Variants in MCTP1 observed in about 807,000 individuals in gnomAD.
The protein encoded by MCTP1 is multiple C2 and transmembrane domain containing 1, also known as multiple C2 and transmembrane domain-containing protein 1.
Under a neutral mutation model 120.6 loss-of-function variants are expected in MCTP1, and 69 were observed. The ratio of observed to expected loss-of-function variants is 0.57; its 90% CI spans 0.47 to 0.70. MCTP1 has a LOEUF of 0.70. Ranked by LOEUF, MCTP1 falls within the 30% of genes least tolerant of loss-of-function variation. MCTP1 has a pLI of 0.00. For missense variants in MCTP1, 1,203 were observed against 1,248.8 expected, an observed-to-expected ratio of 0.96 and a Z score of 0.55; for synonymous variants, 529 against 493.1, an observed-to-expected ratio of 1.07 and a Z score of -0.96.
intron 19 of MCTP1, among the ~76,000 whole-genome samples, chr5:94,743,657 A>C (rs1469965415): frequency 2.5e-5 from 2 of 81,430 alleles, no homozygotes; most frequent in Non-Finnish European, 4.6e-5. Flanking sequence ...TTTTTTTTTG[A>C]GATGGAGTCT....
At chr5:94,885,657 C>T (rs1801155681) in intron 12 of MCTP1, among the ~76,000 whole-genome samples, 1 of 127,734 alleles carries the variant, frequency 7.8e-6, no homozygotes, top group East Asian at 2.7e-4. Context: ...AAAACTTGAT[C>T]TAGCTGCAGA....
chr5:94,976,988 A>AAAAGGAAAT (rs1167290777), intron 2 of MCTP1, among the ~76,000 whole-genome samples: 4 of 152,132 alleles, frequency 2.6e-5, no homozygotes, highest in African/African-American at 9.7e-5. Flanking sequence ...ATTGGACAAG[A>AAAAGGAAAT]AAAGGAAATA....
intron 19 of MCTP1, among the ~76,000 whole-genome samples, chr5:94,767,227 A>G (rs1360417198): frequency 6.6e-6 from 1 of 152,210 alleles, no homozygotes; most frequent in Non-Finnish European, 1.5e-5. Flanking sequence ...TCTCTTTATT[A>G]TACAAACTCT....
At chr5:94,888,995 T>A in intron 11 of MCTP1, 23 bp from the exon 12 acceptor site, 1 of 1,526,312 alleles carries the variant, frequency 6.6e-7, no homozygotes, top group South Asian at 1.1e-5. Context: ...AACATCAGTA[T>A]TAGAAAAGGG....
At chr5:95,069,794 G>T (rs1222237756) in intron 1 of MCTP1, among the ~76,000 whole-genome samples, 1 of 151,828 alleles carries the variant, frequency 6.6e-6, no homozygotes, top group East Asian at 1.9e-4. Context: ...TGCCTCCCGG[G>T]TTCAAGCTAT....
At chr5:95,017,546 G>A (rs1837357176) in intron 1 of MCTP1, 62 bp from the exon 2 acceptor site, 1 of 1,150,076 alleles carries the variant, frequency 8.7e-7, no homozygotes, top group African/African-American at 1.6e-5. Context: ...TTCTCTAAAG[G>A]GGGACCATAT....
intron 1 of MCTP1, among the ~76,000 whole-genome samples, chr5:95,185,235 A>G (rs1368245087): frequency 6.9e-6 from 1 of 145,742 alleles, no homozygotes; most frequent in Non-Finnish European, 1.5e-5. Context: ...TAACAAAGAC[A>G]GTACAAACAA....
At chr5:94,737,498 T>C (rs1382583782) in intron 19 of MCTP1, among the ~76,000 whole-genome samples, 2 of 152,166 alleles carry the variant, frequency 1.3e-5, no homozygotes, top group East Asian at 3.8e-4. Context: ...CTTGAGTGAG[T>C]ACTGAATAGA....
chr5:95,008,033 C>G (rs1835111160), intron 2 of MCTP1, among the ~76,000 whole-genome samples: 1 of 152,102 alleles, frequency 6.6e-6, no homozygotes, highest in African/African-American at 2.4e-5. Flanking sequence ...CCTGCCTAAA[C>G]TTTGCTTATC....
intron 1 of MCTP1, among the ~76,000 whole-genome samples, chr5:95,150,795 G>A (rs1368742842): frequency 6.6e-6 from 1 of 151,956 alleles, no homozygotes; most frequent in Non-Finnish European, 1.5e-5. Context: ...AACAACACAG[G>A]GTTAGAGGCA....
intron 3 of MCTP1, among the ~76,000 whole-genome samples, chr5:94,947,577 T>TATATATATATATATATATAG: frequency 5.7e-4 from 27 of 47,386 alleles, no homozygotes; most frequent in South Asian, 7.0e-4. Context: ...TATATATATA[T>TATATATATATATATATATAG]AGAGAGAGAG....
At chr5:94,827,221 C>T (rs1361351638) in intron 17 of MCTP1, among the ~76,000 whole-genome samples, 1 of 152,156 alleles carries the variant, frequency 6.6e-6, no homozygotes, top group African/African-American at 2.4e-5. Flanking sequence ...TTCTTCTTCA[C>T]TTATGAAGCT....
intron 12 of MCTP1, among the ~76,000 whole-genome samples, 193 bp from the exon 13 acceptor site, chr5:94,873,434 T>C (rs755506473): frequency 4.6e-5 from 7 of 152,054 alleles, no homozygotes; most frequent in Non-Finnish European, 7.4e-5. Flanking sequence ...GCAATTGTTA[T>C]GATTCATAGC....
chr5:95,024,191 C>T (rs908638816), intron 1 of MCTP1: 3 of 322,086 alleles, frequency 9.3e-6, no homozygotes, highest in African/African-American at 6.7e-5. Context: ...TGTCACAGAG[C>T]TTTCCTTGAT....
intron 3 of MCTP1, among the ~76,000 whole-genome samples, chr5:94,945,544 C>A (rs1393125890): frequency 3.3e-5 from 5 of 152,094 alleles, no homozygotes; most frequent in African/African-American, 1.2e-4. Flanking sequence ...GGTGAGCACC[C>A]ACAATGTTCC....
chr5:94,752,146 T>TATAC (rs1768602448), intron 19 of MCTP1, among the ~76,000 whole-genome samples: 1 of 115,640 alleles, frequency 8.6e-6, no homozygotes, highest in Non-Finnish European at 1.8e-5. Flanking sequence ...TATATATATA[T>TATAC]TCAAAATAGC....
intron 17 of MCTP1, among the ~76,000 whole-genome samples, chr5:94,825,110 A>C (rs1001306784): frequency 6.6e-6 from 1 of 151,956 alleles, no homozygotes; most frequent in African/African-American, 2.4e-5. Context: ...TTGCTTCTCT[A>C]GTTCTTTTAA....
At chr5:95,204,441 T>C (rs965244976) in intron 1 of MCTP1, among the ~76,000 whole-genome samples, 23 of 152,172 alleles carry the variant, frequency 1.5e-4, no homozygotes, top group African/African-American at 5.3e-4. Context: ...GGATGAATAC[T>C]TCCCCCTGAC....
chr5:94,788,135 C>T (rs1224553189), intron 18 of MCTP1, among the ~76,000 whole-genome samples: 1 of 152,168 alleles, frequency 6.6e-6, no homozygotes, highest in East Asian at 1.9e-4. Context: ...CTGACTTTCT[C>T]TTGTTTAAGC....
Sources: allele counts gnomAD v4.1 joint callset (sites outside exome capture counted in the v4.1 genomes callset), GRCh38; gene constraint gnomAD v4.1.1; transcripts MANE v1.5; gene names NCBI Gene and HGNC (gene_info 2026-07-23, HGNC 2026-07-21).